NBPF19: variants seen among roughly 807,000 people sequenced by gnomAD.
NBPF19 encodes the protein NBPF family member NBPF19.
Under a neutral mutation model 45.9 loss-of-function variants are expected in NBPF19, and 30 were observed. The ratio of observed to expected loss-of-function variants is 0.65; its 90% CI spans 0.49 to 0.89. The LOEUF (loss-of-function observed/expected upper bound fraction) is 0.89. Ranked by LOEUF, NBPF19 falls within the 40% of genes least tolerant of loss-of-function variation. NBPF19 has a pLI of 0.00. For synonymous variants in NBPF19, 183 were observed against 181.2 expected (o/e 1.01, Z -0.08); for missense variants, 495 against 471.8 (o/e 1.05, Z -0.46).
At chr1:149,486,726 CCT>C (rs1197539311) in intron 8 of NBPF19, among the ~76,000 whole-genome samples, 1 of 151,300 alleles carries the variant, frequency 6.6e-6, no homozygotes, top group Non-Finnish European at 1.5e-5. Context: ...CCCTTGTCTA[CCT>C]CTCAGTGAAA....
rs1205134107 is a variant in NBPF19, at chr1:149,555,360, T to C, written c.*622T>C. 1 of 154,472 alleles carries C rather than the reference T, an allele frequency of 6.5e-6. No homozygotes were observed. The highest frequency in any genetic ancestry group is 2.5e-5 in the African/African-American group (1 of 40,128). 9.6% of individuals were successfully genotyped at this position (154,472 alleles called of 1,614,324 possible). On this transcript the variant is annotated 3_prime_UTR_variant, in exon 94 of 94. Transcript: ENST00000651566. ...ATGGACAAACAGCATTGGGAGGCCT[T>C]AGCCCTGCTCCTCTCAATTCCATCC...
Position 149,555,722 on chromosome 1 carries a change from C to A in NBPF19, c.*984C>A, listed in dbSNP as rs1402633225. The A allele has an allele frequency of 6.6e-6, 1 of 151,282 alleles. No individual in the cohort carries two copies. Among genetic ancestry groups the A allele is most frequent in the Admixed American group, 6.6e-5 (1 of 15,170 alleles). The allele number at this position is 151,282 out of a possible 1,614,324, so 9.4% of individuals were successfully genotyped here. A position where few individuals can be genotyped will look rare whatever the true frequency, so the allele number is the denominator to read the frequency against. The stretch of plus-strand genomic sequence containing the variant: ...TTGTTGTTGTCATGGATGGTGGTGA[C>A]ATGGACTTGTTTATAGAGGACAGGT... On this transcript the variant is annotated 3_prime_UTR_variant, in exon 94 of 94. Transcript: ENST00000651566.
chr1:149,487,340 T>A lies in NBPF19; in HGVS notation c.997T>A (p.Trp333Arg), dbSNP rs1165417776. 2.3e-5 allele frequency: 36 copies of A among 1,561,850 alleles called. 2 individuals carry two copies. The highest frequency in any genetic ancestry group is 2.9e-5 in the Non-Finnish European group (33 of 1,145,824). Residue 333 changes from tryptophan (W) to arginine (R), a missense_variant, in exon 9 of 94, where the codon TGG becomes AGG. Trp to Arg is a moderately radical substitution (Grantham distance 101, BLOSUM62 -3). Transcript: ENST00000651566. ...CMAVDIGRHR[W>R]DQVKKEDQEA... Reference sequence around the variant, plus strand: ...TCTGAATTTATTTGCAGGACATCGCTGGGATCAAGTGAAAAAGGAGGACCA... The same window carrying A: ...TCTGAATTTATTTGCAGGACATCGCAGGGATCAAGTGAAAAAGGAGGACCA...
In NBPF19 at chr1:149,554,951, G is replaced by C; in HGVS notation, c.*213G>C. The C allele has an allele frequency of 1.2e-6, 1 of 819,752 alleles. No individual in the cohort carries two copies. The highest frequency in any genetic ancestry group is 1.9e-6 in the Non-Finnish European group (1 of 522,994). The allele number at this position is 819,752 out of a possible 1,614,324, so 50.8% of individuals were successfully genotyped here. A position where few individuals can be genotyped will look rare whatever the true frequency, so the allele number is the denominator to read the frequency against. On this transcript the variant is annotated 3_prime_UTR_variant, in exon 94 of 94. Coordinates refer to ENST00000651566, the MANE Select transcript of NBPF19 (RefSeq NM_001351365.2). ...TTAGGTGTGACACGTTCACATAACT[G>C]TGCAGCACATGCCGGGAGTGATCAG...
intron 61 of NBPF19, among the ~76,000 whole-genome samples, 193 bp from the exon 62 acceptor site, chr1:149,528,973 GTGTCTATC>G (rs2086921799): frequency 7.6e-6 from 1 of 132,122 alleles, no homozygotes; most frequent in East Asian, 2.3e-4. Flanking sequence ...GTGTGTGTGT[GTGTCTATC>G]TGTCTTTCTC....
rs1224135703 is a variant in NBPF19, at chr1:149,486,432, G to A, written c.988+139G>A. On this transcript the variant is annotated intron_variant, in intron 8 of 93. Coordinates refer to ENST00000651566, the MANE Select transcript of NBPF19 (RefSeq NM_001351365.2). ...AACCTATATATCAATGTAGATTTCA[G>A]TCACTCTGGAGTCAAGTCTGAAGCA... The A allele has an allele frequency of 1.2e-4, 79 of 684,248 alleles. 2 individuals are homozygous for A. The highest frequency in any genetic ancestry group is 1.8e-4 in the Non-Finnish European group (68 of 376,892). 42.4% of individuals were successfully genotyped at this position (684,248 alleles called of 1,614,324 possible).
chr1:149,478,916 G>C lies in NBPF19; in HGVS notation c.315G>C (p.Glu105Asp). Residue 105 changes from glutamate to aspartate, a missense_variant, in exon 4 of 94, where the codon GAG becomes GAC. By Grantham distance (45) the Glu-to-Asp change is conservative. Around this residue, in one of 8 missense-constraint regions of NBPF19, gnomAD observed 69 missense variants for 87.8 expected, o/e 0.79. Coordinates refer to ENST00000651566, the MANE Select transcript of NBPF19 (RefSeq NM_001351365.2). ...TCCTGTTTCACTCTCAGGAACGAGA[G>C]CTGACCCAGTTAAGGGAGAAGTTAC... ...YKVLFHSQER[E>D]LTQLREKLRE... 2 of 1,606,310 alleles carry C rather than the reference G, an allele frequency of 1.2e-6. No individual in the cohort carries two copies. Among genetic ancestry groups the C allele is most frequent in the Middle Eastern group, 4.5e-4 (2 of 4,468 alleles).
At chr1:149,487,117 A>T (rs1485688526) in intron 8 of NBPF19, among the ~76,000 whole-genome samples, 9 of 150,478 alleles carry the variant, frequency 6.0e-5, no homozygotes, top group Non-Finnish European at 1.3e-4. Flanking sequence ...AGGGAAGATA[A>T]CATTCCAACA....
At position 149,486,410 on chromosome 1, in the gene NBPF19, C is replaced by T. The variant is rs1363898019; in HGVS notation, c.988+117C>T. ...GATTTGCCATCACCGTGGGCTGAAC[C>T]TATATATCAATGTAGATTTCAGTCA... On this transcript the variant is annotated intron_variant, in intron 8 of 93. Coordinates refer to ENST00000651566, the MANE Select transcript of NBPF19 (RefSeq NM_001351365.2). 15 of 676,918 alleles carry T rather than the reference C, an allele frequency of 2.2e-5. No individual in the cohort carries two copies. The East Asian group carries it at 4.1e-4, about 18-fold the overall frequency. 41.9% of individuals were successfully genotyped at this position (676,918 alleles called of 1,614,324 possible). A position where few individuals can be genotyped will look rare whatever the true frequency, so the allele number is the denominator to read the frequency against.
rs1411804912 is a variant in NBPF19, at chr1:149,555,042, G to T, written c.*304G>T. ...CAAAATTCCTCAGGGATTTCATTTT[G>T]CAGGCATGTCTCTGAGCTTCTATAC... On this transcript the variant is annotated 3_prime_UTR_variant, in exon 94 of 94. Transcript: ENST00000651566. 3 of 462,972 alleles carry T rather than the reference G, an allele frequency of 6.5e-6. 1 individual carries two copies. Among genetic ancestry groups the T allele is most frequent in the South Asian group, 2.3e-5 (1 of 44,420 alleles). 28.7% of individuals were successfully genotyped at this position (462,972 alleles called of 1,614,324 possible).
intron 9 of NBPF19, 88 bp downstream of exon 9, chr1:149,487,471 G>A (rs2085609791): frequency 1.0e-6 from 1 of 979,320 alleles, no homozygotes; most frequent in Admixed American, 1.7e-5. Flanking sequence ...TGAAAATAAT[G>A]ATTTTGTCTT....
intron 9 of NBPF19, among the ~76,000 whole-genome samples, chr1:149,487,667 G>T (rs1287518758): frequency 2.7e-5 from 4 of 149,976 alleles, no homozygotes; most frequent in Admixed American, 1.3e-4. Flanking sequence ...AATTATTGAG[G>T]ACATGCTTTT....
chr1:149,487,468 A>C, intron 9 of NBPF19, 85 bp downstream of exon 9: 2 of 969,428 alleles, frequency 2.1e-6, no homozygotes, highest in Non-Finnish European at 3.3e-6. Flanking sequence ...TGCTGAAAAT[A>C]ATGATTTTGT....
In NBPF19 at chr1:149,478,988, C is replaced by T. The variant is rs2085010449; in HGVS notation, c.387C>T (p.Ala129=). ...GCTCATTGAATGAGCATCTCCAGGC[C>T]CTCCTCACTCCGGATGAGCCGGACA... is the stretch of plus-strand genomic sequence containing the variant. ...ASRSLNEHLQ[A]LLTPDEPDKS... The change falls in exon 4 of 94, where the codon GCC becomes GCT. Residue 129 remains alanine, a synonymous_variant. Coordinates refer to ENST00000651566, the MANE Select transcript of NBPF19 (RefSeq NM_001351365.2). The T allele has an allele frequency of 6.3e-7, 1 of 1,589,328 alleles. No individual in the cohort carries two copies. Among genetic ancestry groups the T allele is most frequent in the Non-Finnish European group, 8.6e-7 (1 of 1,159,694 alleles).
At chr1:149,483,787 G>A (rs2085349494) in intron 7 of NBPF19, among the ~76,000 whole-genome samples, 2 of 62,872 alleles carry the variant, frequency 3.2e-5, no homozygotes, top group African/African-American at 1.3e-4. Flanking sequence ...CTTCACTTAT[G>A]AAGCTTTGTT....
Position 149,488,177 on chromosome 1 carries a change from A to T in NBPF19, c.1205A>T (p.Asp402Val), listed in dbSNP as rs1180298075. ...LEQQRVGLAI[D>V]MDEIEKYQEV... ...CAACAGCGTGTTGGCTTGGCTATTG[A>T]CATGGATGGTGAGTACCTTTCTATG... is the stretch of plus-strand genomic sequence containing the variant. Residue 402 changes from aspartate (D) to valine (V), a missense_variant, in exon 10 of 94, where the codon GAC becomes GTC. By Grantham distance (152) the Asp-to-Val change is radical. Coordinates refer to ENST00000651566, the MANE Select transcript of NBPF19 (RefSeq NM_001351365.2). 1,298 of 657,656 alleles carry T rather than the reference A, an allele frequency of 2.0e-3. 55 individuals are homozygous for T. The South Asian group carries it at 0.021, about 11-fold the overall frequency. 40.7% of individuals were successfully genotyped at this position (657,656 alleles called of 1,614,324 possible).
In NBPF19 at chr1:149,494,181, C is replaced by A. The variant is rs1347973995; in HGVS notation, c.1998-137C>A. 197 of 527,070 alleles carry A rather than the reference C, an allele frequency of 3.7e-4. 7 individuals carry two copies. In the African/African-American group the frequency reaches 5.8e-3, roughly 15 times the overall value. The allele number at this position is 527,070 out of a possible 1,614,324, so 32.6% of individuals were successfully genotyped here. On this transcript the variant is annotated intron_variant, in intron 17 of 93. Coordinates refer to ENST00000651566, the MANE Select transcript of NBPF19 (RefSeq NM_001351365.2). ...GCCCTGGTCTATCCCAACATAAAGG[C>A]AATAATTCATTACCTCATTAATGGA...
intron 19 of NBPF19, among the ~76,000 whole-genome samples, chr1:149,495,680 CGTGTGTGTGT>C (rs1220744895): frequency 5.7e-5 from 2 of 34,974 alleles, no homozygotes; most frequent in Non-Finnish European, 1.1e-4. Flanking sequence ...TGTGTGTGTG[CGTGTGTGTGT>C]GTGTGTGTGT....
Position 149,491,065 on chromosome 1 carries a change from C to G in NBPF19, c.1491-74C>G, listed in dbSNP as rs1414279163. 3.4e-5 allele frequency: 11 copies of G among 325,506 alleles called. 1 individual carries two copies. The highest frequency in any genetic ancestry group is 4.8e-5 in the African/African-American group (1 of 20,768). 20.2% of individuals were successfully genotyped at this position (325,506 alleles called of 1,614,324 possible). Reference sequence around the variant, plus strand: ...TTTCTTAACCACTTCCCTATGCTACCCATGAAACCTAGTTGGGGCTCTGTT... The same window carrying G: ...TTTCTTAACCACTTCCCTATGCTACGCATGAAACCTAGTTGGGGCTCTGTT... On this transcript the variant is annotated intron_variant, in intron 13 of 93. Coordinates refer to ENST00000651566, the MANE Select transcript of NBPF19 (RefSeq NM_001351365.2).
Sources: gnomAD v4.1 joint callset for allele counts (sites outside exome capture counted in the v4.1 genomes callset) on GRCh38, gnomAD v4.1.1 for gene constraint, gnomAD v4.1.1 regional missense constraint, MANE v1.5 for transcripts, NCBI Gene and HGNC (gene_info 2026-07-23, HGNC 2026-07-21) for gene names.